Variants in FMN1 observed in about 807,000 individuals in gnomAD.
FMN1 encodes formin-1.
A neutral mutation model predicts 132.4 loss-of-function variants in FMN1; 110 were observed. That is an observed-to-expected ratio of 0.83 (90% confidence interval 0.71 to 0.97). The LOEUF (loss-of-function observed/expected upper bound fraction) is 0.97. FMN1 is among the 50% of genes least tolerant of loss of function. The pLI is 0.00. For synonymous variants in FMN1, 722 were observed against 651.7 expected, an observed-to-expected ratio of 1.11 and a Z score of -1.64; for missense variants, 1,792 against 1,705.3, an observed-to-expected ratio of 1.05 and a Z score of -0.90.
intron 4 of FMN1, among the ~76,000 whole-genome samples, chr15:33,118,484 G>A (rs1311309187): frequency 6.6e-6 from 1 of 152,068 alleles, no homozygotes; most frequent in African/African-American, 2.4e-5. Flanking sequence ...CTCCCTTAAT[G>A]CTGAAATTAA....
intron 6 of FMN1, among the ~76,000 whole-genome samples, chr15:33,061,874 T>C (rs1454079772): frequency 6.6e-6 from 1 of 152,088 alleles, no homozygotes; most frequent in South Asian, 2.1e-4. Flanking sequence ...AAATTTTTCA[T>C]ATGAAATGGA....
chr15:32,856,120 T>G (rs570317863), intron 17 of FMN1, among the ~76,000 whole-genome samples: 1 of 152,212 alleles, frequency 6.6e-6, no homozygotes, highest in Non-Finnish European at 1.5e-5. Flanking sequence ...ATTCTCAAGC[T>G]GGTTTGGCCA....
chr15:33,108,621 A>T (rs1345379303), intron 4 of FMN1, among the ~76,000 whole-genome samples: 1 of 152,030 alleles, frequency 6.6e-6, no homozygotes, highest in Non-Finnish European at 1.5e-5. Context: ...AAAACTACCC[A>T]ATCATTCAAA....
chr15:32,974,925 C>G (rs2032081752), intron 7 of FMN1, among the ~76,000 whole-genome samples: 1 of 152,214 alleles, frequency 6.6e-6, no homozygotes, highest in Non-Finnish European at 1.5e-5. Context: ...ACACAGCAGA[C>G]AAGCCTAAAT....
intron 6 of FMN1, among the ~76,000 whole-genome samples, chr15:33,024,347 T>C (rs926572476): frequency 2.7e-5 from 4 of 148,866 alleles, no homozygotes; most frequent in Admixed American, 1.4e-4. Flanking sequence ...ACTGGGTTCA[T>C]GCCATTCTCC....
intron 11 of FMN1, among the ~76,000 whole-genome samples, chr15:32,909,000 C>G (rs953670461): frequency 6.6e-6 from 1 of 152,328 alleles, no homozygotes; most frequent in East Asian, 1.9e-4. Flanking sequence ...GCAGCTCTTT[C>G]ATTTCTAGTC....
chr15:33,091,795 AAATTT>A (rs1175436088), intron 4 of FMN1, among the ~76,000 whole-genome samples: 2 of 152,206 alleles, frequency 1.3e-5, no homozygotes, highest in Non-Finnish European at 2.9e-5. Flanking sequence ...CCAGCTGAAT[AAATTT>A]AATAAAAAGA....
intron 4 of FMN1, among the ~76,000 whole-genome samples, chr15:33,132,836 T>C (rs1052616250): frequency 6.6e-6 from 1 of 152,132 alleles, no homozygotes; most frequent in Non-Finnish European, 1.5e-5. Flanking sequence ...TGTACCTCTT[T>C]GACCACATCT....
chr15:32,952,750 C>A (rs935793707), intron 9 of FMN1, among the ~76,000 whole-genome samples: 1 of 152,104 alleles, frequency 6.6e-6, no homozygotes, highest in Non-Finnish European at 1.5e-5. Flanking sequence ...ATGCCTAATG[C>A]GACTAATAAG....
intron 7 of FMN1, among the ~76,000 whole-genome samples, chr15:32,982,276 G>T (rs2032738972): frequency 6.6e-6 from 1 of 152,182 alleles, no homozygotes; most frequent in African/African-American, 2.4e-5. Flanking sequence ...CCAAATGCTA[G>T]TGAGAATGTG....
At chr15:32,984,162 C>T (rs1596397981) in intron 7 of FMN1, among the ~76,000 whole-genome samples, 1 of 152,256 alleles carries the variant, frequency 6.6e-6, no homozygotes, top group East Asian at 1.9e-4. Flanking sequence ...AGACCTACTA[C>T]TATCTTCTAT....
intron 6 of FMN1, chr15:33,012,860 AT>A: frequency 3.3e-6 from 2 of 601,068 alleles, no homozygotes; most frequent in South Asian, 2.9e-5. Context: ...GAATTTGGTA[AT>A]GATGGGAGCA....
intron 7 of FMN1, among the ~76,000 whole-genome samples, chr15:33,005,259 A>T (rs923377553): frequency 2.0e-5 from 3 of 152,244 alleles, no homozygotes; most frequent in Admixed American, 2.0e-4. Flanking sequence ...GGCAATAGTG[A>T]GCCATGGTGG....
rs1325626662 is a variant in FMN1 at position 32,958,751 on chromosome 15, G to GAT, written c.3138+5354_3138+5355dup. On this transcript the variant is annotated intron_variant, in intron 9 of 20. Coordinates refer to ENST00000616417, the MANE Select transcript of FMN1 (RefSeq NM_001277313.2). ...GGATGAAGACCAGCTCTATTTAAGG[G>GAT]ATATTCATGGCTGGGTGCAGTGGCT... is the stretch of plus-strand genomic sequence containing the variant. Among the ~76,000 whole-genome samples, 8 of 152,206 alleles carry GAT rather than the reference G, an allele frequency of 5.3e-5. No homozygotes were observed. The East Asian group carries it at 1.5e-3, about 29-fold the overall frequency.
intron 17 of FMN1, among the ~76,000 whole-genome samples, chr15:32,825,611 C>T (rs1404089841): frequency 6.6e-6 from 1 of 152,192 alleles, no homozygotes; most frequent in African/African-American, 2.4e-5. Flanking sequence ...CTTATTTGCT[C>T]TTTTGTCTCT....
At chr15:33,066,077 T>C (rs573592264) in intron 5 of FMN1, among the ~76,000 whole-genome samples, 31 of 152,262 alleles carry the variant, frequency 2.0e-4, no homozygotes, top group Admixed American at 1.4e-3. Context: ...AACACTCTAA[T>C]CACACCACAA....
intron 17 of FMN1, among the ~76,000 whole-genome samples, chr15:32,807,104 G>A (rs940682493): frequency 6.6e-6 from 1 of 152,138 alleles, no homozygotes; most frequent in African/African-American, 2.4e-5. Flanking sequence ...ATTGGATAAA[G>A]CTTGCTTAAA....
At chr15:33,001,338 A>C (rs866374178) in intron 7 of FMN1, among the ~76,000 whole-genome samples, 2 of 152,174 alleles carry the variant, frequency 1.3e-5, no homozygotes, top group African/African-American at 2.4e-5. Flanking sequence ...TATAGTTCAA[A>C]AGCAAAGATT....
chr15:33,118,589 A>AG (rs2140160613), intron 4 of FMN1, among the ~76,000 whole-genome samples: 1 of 152,336 alleles, frequency 6.6e-6, no homozygotes, highest in South Asian at 2.1e-4. Context: ...GACAGGAATG[A>AG]GGGACAGTTC....
Sources: gnomAD v4.1 joint callset for allele counts (sites outside exome capture counted in the v4.1 genomes callset) on GRCh38, gnomAD v4.1.1 for gene constraint, MANE v1.5 for transcripts, NCBI Gene and HGNC (gene_info 2026-07-23, HGNC 2026-07-21) for gene names.